The following DSN1 variants were observed in gnomAD, a reference collection of about 807,000 sequenced individuals.
DSN1 encodes kinetochore-associated protein DSN1 homolog.
A neutral mutation model predicts 45.7 loss-of-function variants in DSN1; 31 were observed. The ratio of observed to expected loss-of-function variants is 0.68; its 90% CI spans 0.51 to 0.92. DSN1 has a LOEUF of 0.92. Ranked by LOEUF, DSN1 falls within the 40% of genes least tolerant of loss-of-function variation. DSN1 has a pLI of 0.00. For missense variants in DSN1, 394 were observed against 414.2 expected (o/e 0.95, Z 0.42); for synonymous variants, 134 against 142.3 (o/e 0.94, Z 0.41).
intron 4 of DSN1, 135 bp downstream of exon 4, chr20:36,767,834 G>A (rs1008013003): frequency 1.9e-5 from 15 of 784,380 alleles, no homozygotes; most frequent in South Asian, 3.2e-5. Flanking sequence ...CCTGGGAGGC[G>A]GAGGTTGCAG....
intron 6 of DSN1, 122 bp from the exon 7 acceptor site, chr20:36,758,739 G>T: frequency 1.1e-6 from 1 of 908,510 alleles, no homozygotes; most frequent in Non-Finnish European, 1.6e-6. Context: ...CCAGGCTGGA[G>T]TGCAATGGCA....
intron 1 of DSN1, among the ~76,000 whole-genome samples, chr20:36,771,864 T>G (rs1321710958): frequency 6.6e-6 from 1 of 152,236 alleles, no homozygotes; most frequent in Non-Finnish European, 1.5e-5. Context: ...AAATCTTTTC[T>G]CCATTCTCAC....
chr20:36,761,981 C>G (rs1345399847), intron 6 of DSN1, among the ~76,000 whole-genome samples: 4 of 151,650 alleles, frequency 2.6e-5, no homozygotes, highest in Non-Finnish European at 5.9e-5. Flanking sequence ...TGCACTCCAG[C>G]CTGGGGTACA....
rs746543122 is a variant in DSN1, at chr20:36,762,561, A to G, written c.503-13T>C. On this transcript the variant is annotated splice_polypyrimidine_tract_variant and intron_variant, in intron 5 of 10. Coordinates refer to ENST00000373750, the MANE Select transcript of DSN1 (RefSeq NM_001145315.2). ...GAAAGAGAAGATGCTAGACAGCACA[A>G]ATTTACGTGTCATAAAATAAAGGAA... The G allele has an allele frequency of 2.5e-6, 4 of 1,608,498 alleles. No homozygotes were observed. The South Asian group carries it at 3.3e-5, about 13-fold the overall frequency.
intron 5 of DSN1, among the ~76,000 whole-genome samples, chr20:36,762,774 C>A (rs1323229154): frequency 2.0e-5 from 3 of 151,990 alleles, no homozygotes; most frequent in African/African-American, 7.2e-5. Context: ...TTTATTTAGA[C>A]AGACTCTCGC....
chr20:36,769,339 C>A (rs182672223), intron 3 of DSN1, among the ~76,000 whole-genome samples: 80 of 152,308 alleles, frequency 5.3e-4, no homozygotes, highest in African/African-American at 1.9e-3. Context: ...AAACAGGATA[C>A]TTTCTGCCTA....
At chr20:36,756,741 A>G (rs1323860434) in intron 8 of DSN1, among the ~76,000 whole-genome samples, 1 of 151,214 alleles carries the variant, frequency 6.6e-6, no homozygotes, top group East Asian at 1.9e-4. Flanking sequence ...AGGAACAGTT[A>G]GAGTCTGAAC....
At chr20:36,753,329 G>C (rs1986476932) in intron 10 of DSN1, among the ~76,000 whole-genome samples, 1 of 144,690 alleles carries the variant, frequency 6.9e-6, no homozygotes. Flanking sequence ...AACAGAGCAA[G>C]ACCCTGTCTA....
At chr20:36,758,200 A>G in intron 7 of DSN1, 39 bp from the exon 8 acceptor site, 1 of 1,560,482 alleles carries the variant, frequency 6.4e-7, no homozygotes, top group South Asian at 1.1e-5. Flanking sequence ...TAATTTTTAT[A>G]ATCTTATTCT....
rs1568687977 is a variant in DSN1 at position 36,755,694 on chromosome 20, A to G, written c.861T>C (p.Cys287=). ...TGAGCCCACTTACCACCAACTCCAT[A>G]CAGTCAAAGACTTTGCTCTGGTTCT... The part of the protein sequence containing the change: ...ILQNQSKVFD[C]MELVMDELQG... Residue 287 remains cysteine (C), a synonymous_variant, in exon 9 of 11, where the codon TGT becomes TGC. Transcript: ENST00000373750. 8.1e-6 allele frequency: 13 copies of G among 1,613,600 alleles called. No individual in the cohort carries two copies. In the South Asian group the frequency reaches 1.2e-4, roughly 15 times the overall value.
At chr20:36,754,742 C>T in intron 10 of DSN1, 21 bp downstream of exon 10, 1 of 1,608,672 alleles carries the variant, frequency 6.2e-7, no homozygotes, top group Non-Finnish European at 8.5e-7. Flanking sequence ...GAACTCTGGT[C>T]CCCTCAAGAG....
chr20:36,764,220 CAAA>C (rs151127917), intron 5 of DSN1, among the ~76,000 whole-genome samples: 1 of 126,512 alleles, frequency 7.9e-6, no homozygotes. Flanking sequence ...GATCCTGTCT[CAAA>C]AAAAAAAAAA....
chr20:36,753,851 A>G (rs1411327116), intron 10 of DSN1, among the ~76,000 whole-genome samples: 1 of 149,490 alleles, frequency 6.7e-6, no homozygotes, highest in Non-Finnish European at 1.5e-5. Flanking sequence ...TACTAAAAAT[A>G]TAAAATTAGC....
At chr20:36,768,287 T>C (rs1182787907) in intron 3 of DSN1, among the ~76,000 whole-genome samples, 5 of 151,944 alleles carry the variant, frequency 3.3e-5, no homozygotes. Context: ...TGCTCATGCC[T>C]ATAGTCCCAA....
chr20:36,758,478 T>C, intron 7 of DSN1, 80 bp downstream of exon 7: 1 of 1,246,340 alleles, frequency 8.0e-7, no homozygotes. Context: ...AATACAATGC[T>C]TACTATTCAT....
chr20:36,755,531 A>AT, intron 9 of DSN1, 151 bp downstream of exon 9: 2 of 924,466 alleles, frequency 2.2e-6, no homozygotes, highest in Non-Finnish European at 3.1e-6. Context: ...TTTGTTTATT[A>AT]TTTTTTAATT....
rs552571192 is a variant in DSN1, at chr20:36,771,086, C to T, written c.142G>A (p.Val48Ile). Residue 48 changes from valine (V) to isoleucine (I), a missense_variant, in exon 3 of 11, where the codon GTT becomes ATT. Physicochemically the swap from Val to Ile is conservative, Grantham distance 29 (BLOSUM62 3). Coordinates refer to ENST00000373750, the MANE Select transcript of DSN1 (RefSeq NM_001145315.2). ...TSASLEMNQG[V>I]SEERIHLGSS... Reference sequence around the variant, plus strand: ...CCAAGGTGAATTCTTTCCTCTGAAACGCCTTGATTCATCTCCAGGGAGGCA... The same window carrying T: ...CCAAGGTGAATTCTTTCCTCTGAAATGCCTTGATTCATCTCCAGGGAGGCA... 35 of 1,614,184 alleles carry T rather than the reference C, an allele frequency of 2.2e-5. No individual in the cohort carries two copies. The Admixed American group carries it at 2.3e-4, about 11-fold the overall frequency.
At chr20:36,759,937 G>C (rs1414523980) in intron 6 of DSN1, among the ~76,000 whole-genome samples, 1 of 151,670 alleles carries the variant, frequency 6.6e-6, no homozygotes, top group African/African-American at 2.4e-5. Context: ...TCTTTTTCTC[G>C]TTGCTTAAAA....
At position 36,773,706 on chromosome 20, in the gene DSN1, T is replaced by TC. The variant is rs1568703343; in HGVS notation, c.-61dup. On this transcript the variant is annotated 5_prime_UTR_variant, in exon 1 of 11. Transcript: ENST00000373750. ...GTCGCTCTCCACAGCCCCAGGTCAC[T>TC]CCTGGACGCCTTGCGCACCCGCAGC... is the stretch of plus-strand genomic sequence containing the variant. 1.1e-5 allele frequency: 11 copies of TC among 985,562 alleles called. No homozygotes were observed. The highest frequency in any genetic ancestry group is 1.3e-5 in the Non-Finnish European group (11 of 830,016). The allele number at this position is 985,562 out of a possible 1,614,324, so 61.1% of individuals were successfully genotyped here.
Sources: allele counts gnomAD v4.1 joint callset (sites outside exome capture counted in the v4.1 genomes callset), GRCh38; gene constraint gnomAD v4.1.1; transcripts MANE v1.5; gene names NCBI Gene and HGNC (gene_info 2026-07-23, HGNC 2026-07-21).